The following PPP2R2A variants were observed in gnomAD, a reference collection of about 807,000 sequenced individuals.
PPP2R2A encodes the protein serine/threonine-protein phosphatase 2A 55 kDa regulatory subunit B alpha isoform.
PPP2R2A carries 9 observed loss-of-function variants against 53.2 expected under a neutral mutation model. The ratio of observed to expected loss-of-function variants is 0.17; its 90% CI spans 0.10 to 0.30. The LOEUF (loss-of-function observed/expected upper bound fraction) is 0.30, where lower values mean the gene tolerates loss of function less well. PPP2R2A is among the 10% of genes least tolerant of loss of function. PPP2R2A has a pLI of 1.00. For missense variants in PPP2R2A, 235 were observed against 534.6 expected, an observed-to-expected ratio of 0.44 and a Z score of 5.53; for synonymous variants, 169 against 174.2, an observed-to-expected ratio of 0.97 and a Z score of 0.23.
At chr8:26,311,829 G>A (rs1204956690) in intron 2 of PPP2R2A, among the ~76,000 whole-genome samples, 1 of 151,830 alleles carries the variant, frequency 6.6e-6, no homozygotes, top group African/African-American at 2.4e-5. Context: ...TAATATAATT[G>A]GGTGGGGTGG....
intron 1 of PPP2R2A, chr8:26,292,161 A>T: frequency 8.5e-7 from 1 of 1,181,294 alleles, no homozygotes. Flanking sequence ...ATCTTCTCCC[A>T]CCTCCCCACC....
chr8:26,293,973 A>G (rs534470392), intron 2 of PPP2R2A: 2 of 491,004 alleles, frequency 4.1e-6, no homozygotes, highest in African/African-American at 3.9e-5. Flanking sequence ...GGAGCGGTAG[A>G]TGATGAGACA....
At position 26,360,374 on chromosome 8, in the gene PPP2R2A, G is replaced by C. The variant is rs1402468449; in HGVS notation, c.459+93G>C. 3 of 672,284 alleles carry C rather than the reference G, an allele frequency of 4.5e-6. No individual in the cohort carries two copies. Among genetic ancestry groups the C allele is most frequent in the Non-Finnish European group, 7.5e-6 (3 of 398,078 alleles). 41.6% of individuals were successfully genotyped at this position (672,284 alleles called of 1,614,324 possible). Reference sequence around the variant, plus strand: ...CAGAGCTTGAATAGGAATAATTACAGTCTATCTCCCCTTTCCCAGTAATTC... The same window carrying C: ...CAGAGCTTGAATAGGAATAATTACACTCTATCTCCCCTTTCCCAGTAATTC... On this transcript the variant is annotated intron_variant, in intron 5 of 9. Transcript: ENST00000380737. This position sits in a 1 kb window ranked among gnomAD's most constrained non-coding sequence, Gnocchi z 4.5.
intron 4 of PPP2R2A, among the ~76,000 whole-genome samples, chr8:26,358,331 G>GTGATTTTA (rs1260059609): frequency 6.6e-6 from 1 of 152,058 alleles, no homozygotes; most frequent in Non-Finnish European, 1.5e-5. Context: ...CAAATACTTT[G>GTGATTTTA]CAAGTATTTA....
intron 4 of PPP2R2A, among the ~76,000 whole-genome samples, chr8:26,356,320 G>A (rs994948002): frequency 6.6e-6 from 1 of 152,132 alleles, no homozygotes; most frequent in African/African-American, 2.4e-5. Flanking sequence ...ATCAGCGTTG[G>A]CCGCCTCCTG....
Position 26,354,391 on chromosome 8 carries a change from C to T in PPP2R2A, c.181-77C>T. 1 of 1,243,492 alleles carries T rather than the reference C, an allele frequency of 8.0e-7. No homozygotes were observed. The highest frequency in any genetic ancestry group is 2.5e-5 in the East Asian group (1 of 40,320). The allele number at this position is 1,243,492 out of a possible 1,614,324, so 77.0% of individuals were successfully genotyped here. ...TGGGGTATTGAGAATGTGCAGGGTC[C>T]TTTGGAATTGATTACATATTTGATT... On this transcript the variant is annotated intron_variant, in intron 3 of 9. Transcript: ENST00000380737. This position sits in a 1 kb window ranked among gnomAD's most constrained non-coding sequence, Gnocchi z 4.6.
At chr8:26,306,672 G>A (rs1481295800) in intron 2 of PPP2R2A, among the ~76,000 whole-genome samples, 2 of 151,668 alleles carry the variant, frequency 1.3e-5, no homozygotes, top group Admixed American at 6.6e-5. Flanking sequence ...TTAGTAACTA[G>A]GTTAAAAAAA....
intron 3 of PPP2R2A, among the ~76,000 whole-genome samples, chr8:26,353,529 A>T (rs961774445): frequency 3.3e-5 from 5 of 152,230 alleles, no homozygotes; most frequent in African/African-American, 1.2e-4. Context: ...ATAATATCTC[A>T]TTCTATTTTT....
At position 26,370,526 on chromosome 8, in the gene PPP2R2A, A is replaced by G; in HGVS notation, c.*113A>G. 8.2e-7 allele frequency: 1 copy of G among 1,220,458 alleles called. No homozygotes were observed. The highest frequency in any genetic ancestry group is 1.4e-5 in the South Asian group (1 of 69,102). The allele number at this position is 1,220,458 out of a possible 1,614,324, so 75.6% of individuals were successfully genotyped here. On this transcript the variant is annotated 3_prime_UTR_variant, in exon 10 of 10. Coordinates refer to ENST00000380737, the MANE Select transcript of PPP2R2A (RefSeq NM_002717.4). The surrounding 1 kb of genome is among the most constrained non-coding windows in gnomAD (Gnocchi z 6.1). ...TTGTGGCGCCCCTTTCCAGTGTTTG[A>G]CAGTGTGCCATTCGACAACACATTG... is the stretch of plus-strand genomic sequence containing the variant.
At position 26,344,205 on chromosome 8, in the gene PPP2R2A, T is replaced by C. The variant is rs183426698; in HGVS notation, c.180+5218T>C. On this transcript the variant is annotated intron_variant, in intron 3 of 9. Coordinates refer to ENST00000380737, the MANE Select transcript of PPP2R2A (RefSeq NM_002717.4). ...AAGATCCCTAAATCTTACTTAATCA[T>C]CACAGCAAAATAACAAAGATGTATG... Among the ~76,000 whole-genome samples, 190 of 152,324 alleles carry C rather than the reference T, an allele frequency of 1.2e-3. 6 individuals are homozygous for C. The highest frequency in any genetic ancestry group is 0.012 in the Admixed American group (188 of 15,296).
chr8:26,301,955 C>T (rs1801809493), intron 2 of PPP2R2A, among the ~76,000 whole-genome samples: 1 of 152,142 alleles, frequency 6.6e-6, no homozygotes, highest in African/African-American at 2.4e-5. Context: ...TAAGAATGTC[C>T]TTGAAGCAGT....
In PPP2R2A at chr8:26,360,161, C is replaced by T; in HGVS notation, c.347-8C>T. 4.1e-6 allele frequency: 6 copies of T among 1,461,194 alleles called. No homozygotes were observed. Among genetic ancestry groups the T allele is most frequent in the Admixed American group, 3.7e-5 (2 of 53,522 alleles). 90.5% of individuals were successfully genotyped at this position (1,461,194 alleles called of 1,614,324 possible). A position where few individuals can be genotyped will look rare whatever the true frequency, so the allele number is the denominator to read the frequency against. ...TATTTTAAGGACTTTTCTTTATTTT[C>T]TTCCCAGATAAAACAATAAAATTAT... On this transcript the variant is annotated splice_polypyrimidine_tract_variant and splice_region_variant and intron_variant, in intron 4 of 9. Transcript: ENST00000380737. The surrounding 1 kb of genome is among the most constrained non-coding windows in gnomAD (Gnocchi z 4.5).
At chr8:26,328,485 C>T (rs1803206329) in intron 2 of PPP2R2A, among the ~76,000 whole-genome samples, 1 of 152,160 alleles carries the variant, frequency 6.6e-6, no homozygotes, top group Middle Eastern at 3.2e-3. Context: ...CATTTTTCCA[C>T]CTTGTGGAAA....
At chr8:26,296,867 A>G (rs1801565568) in intron 2 of PPP2R2A, among the ~76,000 whole-genome samples, 1 of 152,226 alleles carries the variant, frequency 6.6e-6, no homozygotes, top group African/African-American at 2.4e-5. Flanking sequence ...CTTTCTGCAG[A>G]ATCATCGGTA....
At chr8:26,364,223 G>A (rs1805257238) in intron 8 of PPP2R2A, among the ~76,000 whole-genome samples, 1 of 152,168 alleles carries the variant, frequency 6.6e-6, no homozygotes, top group Non-Finnish European at 1.5e-5. Context: ...GAGGATTGGA[G>A]AAAGTGGCCA....
At chr8:26,322,332 G>C (rs1442176925) in intron 2 of PPP2R2A, among the ~76,000 whole-genome samples, 1 of 152,204 alleles carries the variant, frequency 6.6e-6, no homozygotes, top group East Asian at 1.9e-4. Flanking sequence ...TTTCTCAGTT[G>C]CATTGTGCAC....
In PPP2R2A at chr8:26,321,928, A is replaced by G. The variant is rs145408112; in HGVS notation, c.83-16962A>G. Reference sequence around the variant, plus strand: ...GGTCTAAGATTTGAACTTGGTTCTAATGTGTTTTCTGGTTGAACCCAACAC... The same window carrying G: ...GGTCTAAGATTTGAACTTGGTTCTAGTGTGTTTTCTGGTTGAACCCAACAC... On this transcript the variant is annotated intron_variant, in intron 2 of 9. Coordinates refer to ENST00000380737, the MANE Select transcript of PPP2R2A (RefSeq NM_002717.4). The surrounding 1 kb of genome is among the most constrained non-coding windows in gnomAD (Gnocchi z 4.1). Among the ~76,000 whole-genome samples the G allele has an allele frequency of 9.8e-5, 15 of 152,362 alleles. No individual in the cohort carries two copies. Among genetic ancestry groups the G allele is most frequent in the African/African-American group, 3.6e-4 (15 of 41,592 alleles).
intron 2 of PPP2R2A, among the ~76,000 whole-genome samples, chr8:26,322,852 A>C (rs1316431686): frequency 2.0e-5 from 3 of 152,224 alleles, no homozygotes; most frequent in Admixed American, 2.0e-4. Flanking sequence ...AAATAAAGCC[A>C]CAGGAAGCAG....
At chr8:26,293,261 T>C (rs1339570180) in intron 1 of PPP2R2A, 2 of 1,535,606 alleles carry the variant, frequency 1.3e-6, no homozygotes, top group Non-Finnish European at 1.7e-6. Context: ...TCCCGAAGTT[T>C]TCTCTTCGTT....
Sources: gnomAD v4.1 joint callset for allele counts (sites outside exome capture counted in the v4.1 genomes callset) on GRCh38, gnomAD v4.1.1 for gene constraint, Gnocchi (gnomAD v3.1) non-coding constraint, MANE v1.5 for transcripts, NCBI Gene and HGNC (gene_info 2026-07-23, HGNC 2026-07-21) for gene names.